Variants in ARHGEF12 observed in about 807,000 individuals in gnomAD.
ARHGEF12 encodes the protein KMT2A/ARHGEF12 fusion protein.
In ARHGEF12, 66 loss-of-function variants were observed where a neutral mutation model predicts 211.2. The observed-to-expected ratio is 0.31, with a 90% CI of 0.26 to 0.38. The LOEUF (loss-of-function observed/expected upper bound fraction) is 0.38, where lower values mean the gene tolerates loss of function less well. Ranked by LOEUF, ARHGEF12 falls within the 10% of genes least tolerant of loss-of-function variation. The pLI is 1.00. For missense variants in ARHGEF12, 1,429 were observed against 1,869.5 expected, an observed-to-expected ratio of 0.76 and a Z score of 4.34; for synonymous variants, 592 against 638.4, an observed-to-expected ratio of 0.93 and a Z score of 1.09.
chr11:120,338,826 CAA>C (rs953235249), intron 1 of ARHGEF12, among the ~76,000 whole-genome samples: 2 of 152,158 alleles, frequency 1.3e-5, no homozygotes, highest in African/African-American at 4.8e-5. Flanking sequence ...ATTCCACACA[CAA>C]GTGAGTGAAA....
chr11:120,394,225 CT>C (rs942213637), intron 1 of ARHGEF12, among the ~76,000 whole-genome samples: 254 of 144,320 alleles, frequency 1.8e-3, no homozygotes, highest in Admixed American at 1.9e-3. Flanking sequence ...ACATCAGCTT[CT>C]TTTTTTTTTT....
intron 13 of ARHGEF12, 70 bp from the exon 14 acceptor site, chr11:120,441,637 C>T: frequency 8.0e-7 from 1 of 1,249,612 alleles, no homozygotes. Flanking sequence ...TAGCTATGTT[C>T]AATTGAGCCT....
At position 120,480,387 on chromosome 11, in the gene ARHGEF12, A is replaced by T; in HGVS notation, c.4194A>T (p.Gly1398=). ...HSDENPSEGD[G]AVNKEEKDVN... ...ATGAGAATCCATCAGAAGGTGATGGAGCAGTTAACAAGGAAGAGAAGGATG... is the reference window on the plus strand; with the variant it reads ...ATGAGAATCCATCAGAAGGTGATGGTGCAGTTAACAAGGAAGAGAAGGATG... Residue 1398 remains glycine, a synonymous_variant, in exon 38 of 41, where the codon GGA becomes GGT. Coordinates refer to ENST00000397843, the MANE Select transcript of ARHGEF12 (RefSeq NM_015313.3). The T allele has an allele frequency of 6.2e-7, 1 of 1,613,578 alleles. No individual in the cohort carries two copies. The highest frequency in any genetic ancestry group is 1.1e-5 in the South Asian group (1 of 90,966).
At position 120,474,590 on chromosome 11, in the gene ARHGEF12, C is replaced by A. The variant is rs1195857306; in HGVS notation, c.3064C>A (p.His1022Asn). 2.5e-6 allele frequency: 4 copies of A among 1,611,724 alleles called. No individual in the cohort carries two copies. Among genetic ancestry groups the A allele is most frequent in the South Asian group, 1.1e-5 (1 of 90,410 alleles). ...GGATTTAACAAAAAGGAAGATGATT[C>A]ATGAAGGGCCATTGGTTTGGAAGGT... is the stretch of plus-strand genomic sequence containing the variant. ...NLDLTKRKMI[H>N]EGPLVWKVNR... Residue 1022 changes from histidine to asparagine, a missense_variant, in exon 32 of 41, where the codon CAT becomes AAT. His to Asn is a moderately conservative substitution (Grantham distance 68). Transcript: ENST00000397843.
chr11:120,461,684 A>G (rs560752672), intron 27 of ARHGEF12, among the ~76,000 whole-genome samples: 1 of 152,344 alleles, frequency 6.6e-6, no homozygotes, highest in Admixed American at 6.5e-5. Context: ...TTTCATCTAC[A>G]TTGAATATCT....
chr11:120,421,834 A>G lies in ARHGEF12; in HGVS notation c.330A>G (p.Thr110=), dbSNP rs1468169830. The change falls in exon 6 of 41, where the codon ACA becomes ACG. Residue 110 remains threonine (T), a synonymous_variant. Coordinates refer to ENST00000397843, the MANE Select transcript of ARHGEF12 (RefSeq NM_015313.3). Reference sequence around the variant, plus strand: ...CAGCCATGCGGGCTGGAGTACAGACAGGTGATCGAATCATCAAGGTAAGGA... The same window carrying G: ...CAGCCATGCGGGCTGGAGTACAGACGGGTGATCGAATCATCAAGGTAAGGA... ...DGAAMRAGVQ[T]GDRIIKVNGT... 6.2e-7 allele frequency: 1 copy of G among 1,611,658 alleles called. No individual in the cohort carries two copies. The highest frequency in any genetic ancestry group is 8.5e-7 in the Non-Finnish European group (1 of 1,178,976).
intron 6 of ARHGEF12, among the ~76,000 whole-genome samples, chr11:120,422,079 T>C (rs1461029583): frequency 6.6e-6 from 1 of 152,156 alleles, no homozygotes; most frequent in Non-Finnish European, 1.5e-5. Context: ...TGTTCTTGAG[T>C]AGGAGAGTAA....
intron 1 of ARHGEF12, among the ~76,000 whole-genome samples, chr11:120,370,139 A>G (rs1943549847): frequency 6.6e-6 from 1 of 152,196 alleles, no homozygotes; most frequent in South Asian, 2.1e-4. Flanking sequence ...AACTGTTACT[A>G]TTAATAATGA....
At chr11:120,370,096 A>G (rs1049745852) in intron 1 of ARHGEF12, among the ~76,000 whole-genome samples, 1 of 152,206 alleles carries the variant, frequency 6.6e-6, no homozygotes, top group African/African-American at 2.4e-5. Flanking sequence ...CAATGTGTTT[A>G]TTAACAAAAT....
intron 3 of ARHGEF12, chr11:120,408,342 C>T (rs75765077): frequency 6.6e-6 from 1 of 152,224 alleles, no homozygotes; most frequent in Non-Finnish European, 1.5e-5. Flanking sequence ...AAAGAGCTGT[C>T]TTTCAACCTA....
At chr11:120,395,343 G>T (rs1367840445) in intron 1 of ARHGEF12, among the ~76,000 whole-genome samples, 1 of 152,116 alleles carries the variant, frequency 6.6e-6, no homozygotes, top group Non-Finnish European at 1.5e-5. Context: ...GATGGTAAAT[G>T]GTGGTAACTA....
chr11:120,344,353 A>C (rs750543201), intron 1 of ARHGEF12, among the ~76,000 whole-genome samples: 9 of 151,920 alleles, frequency 5.9e-5, no homozygotes, highest in Non-Finnish European at 7.4e-5. Context: ...GTAATGCAGA[A>C]AGTGGCTATA....
chr11:120,401,995 A>G (rs1304728503), intron 1 of ARHGEF12, among the ~76,000 whole-genome samples: 3 of 152,280 alleles, frequency 2.0e-5, no homozygotes, highest in South Asian at 2.1e-4. Context: ...TTGCTAGGCA[A>G]TGCTTCTTAT....
Position 120,337,077 on chromosome 11 carries a change from C to T in ARHGEF12, c.-167C>T. Reference sequence around the variant, plus strand: ...AACTTGTTTTGCTCCAAGCCGCATCCGTTGACCCCTTACAGTCGGATGGTC... The same window carrying T: ...AACTTGTTTTGCTCCAAGCCGCATCTGTTGACCCCTTACAGTCGGATGGTC... On this transcript the variant is annotated 5_prime_UTR_variant, in exon 1 of 41. Transcript: ENST00000397843. 1 of 752,172 alleles carries T rather than the reference C, an allele frequency of 1.3e-6. No homozygotes were observed. Among genetic ancestry groups the T allele is most frequent in the East Asian group, 2.6e-5 (1 of 38,426 alleles). 46.6% of individuals were successfully genotyped at this position (752,172 alleles called of 1,614,324 possible).
rs1945282755 is a variant in ARHGEF12, at chr11:120,424,405, G to A, written c.396G>A (p.Lys132=). ...ATTCAAATCATCTGGAGGTGGTGAA[G>A]CTAATCAAATGTAGGTGAATGTTAT... ...VTHSNHLEVV[K]LIKSGSYVAL... The change falls in exon 7 of 41, where the codon AAG becomes AAA. Residue 132 remains lysine (K), a synonymous_variant. Coordinates refer to ENST00000397843, the MANE Select transcript of ARHGEF12 (RefSeq NM_015313.3). The A allele has an allele frequency of 1.2e-6, 2 of 1,613,232 alleles. No individual in the cohort carries two copies. The highest frequency in any genetic ancestry group is 3.3e-5 in the Admixed American group (2 of 59,966).
intron 21 of ARHGEF12, 49 bp from the exon 22 acceptor site, chr11:120,451,463 C>T (rs1439077715): frequency 2.0e-5 from 31 of 1,586,452 alleles, no homozygotes; most frequent in Non-Finnish European, 2.7e-5. Context: ...AGGCTTGAGC[C>T]ACCGCACCCA....
Position 120,437,524 on chromosome 11 carries a change from A to T in ARHGEF12, c.999+142A>T, listed in dbSNP as rs1037813313. ...TAAAATTTATTAAAGAAACTTAATAAAGATTTGAATAAGTCAAGAGATATT... is the reference window on the plus strand; with the variant it reads ...TAAAATTTATTAAAGAAACTTAATATAGATTTGAATAAGTCAAGAGATATT... On this transcript the variant is annotated intron_variant, in intron 12 of 40. Coordinates refer to ENST00000397843, the MANE Select transcript of ARHGEF12 (RefSeq NM_015313.3). The T allele has an allele frequency of 7.5e-5, 39 of 520,508 alleles. No homozygotes were observed. In the African/African-American group the frequency reaches 7.7e-4, roughly 10 times the overall value. The allele number at this position is 520,508 out of a possible 1,614,324, so 32.2% of individuals were successfully genotyped here. A position where few individuals can be genotyped will look rare whatever the true frequency, so the allele number is the denominator to read the frequency against.
At chr11:120,338,944 T>G (rs1378572336) in intron 1 of ARHGEF12, among the ~76,000 whole-genome samples, 1 of 152,060 alleles carries the variant, frequency 6.6e-6, no homozygotes, top group Non-Finnish European at 1.5e-5. Context: ...CTTTATAACG[T>G]AGATGGCATA....
intron 1 of ARHGEF12, among the ~76,000 whole-genome samples, chr11:120,397,466 T>C (rs970076027): frequency 2.0e-5 from 3 of 152,204 alleles, no homozygotes; most frequent in African/African-American, 7.2e-5. Flanking sequence ...AGGGGGAGTA[T>C]AGAACTTGGG....
Sources: gnomAD v4.1 joint callset for allele counts (sites outside exome capture counted in the v4.1 genomes callset) on GRCh38, gnomAD v4.1.1 for gene constraint, MANE v1.5 for transcripts, NCBI Gene and HGNC (gene_info 2026-07-23, HGNC 2026-07-21) for gene names.